Variants in GPHN observed in about 807,000 individuals in gnomAD.
GPHN encodes gephyrin.
Under a neutral mutation model 95.5 loss-of-function variants are expected in GPHN, and 17 were observed. The ratio of observed to expected loss-of-function variants is 0.18; its 90% CI spans 0.12 to 0.27. The LOEUF (loss-of-function observed/expected upper bound fraction) is 0.27. Ranked by LOEUF, GPHN falls within the 10% of genes least tolerant of loss-of-function variation. The pLI is 1.00. For synonymous variants in GPHN, 320 were observed against 322.5 expected (o/e 0.99, Z 0.08); for missense variants, 660 against 978.1 (o/e 0.67, Z 4.34).
chr14:66,530,887 C>G (rs1327286575), intron 1 of GPHN, among the ~76,000 whole-genome samples: 2 of 151,580 alleles, frequency 1.3e-5, no homozygotes, highest in Non-Finnish European at 2.9e-5. Context: ...AGCTGCAGAT[C>G]GAAGCTGTTC....
the GPHN span, chr14:67,321,188 G>A: frequency 6.2e-7 from 1 of 1,614,156 alleles, no homozygotes; most frequent in Non-Finnish European, 8.5e-7. Flanking sequence ...GAATTTGTAT[G>A]GAACTAGCAT....
At chr14:66,629,181 A>AAG (rs1566729379) in intron 1 of GPHN, among the ~76,000 whole-genome samples, 2 of 106,926 alleles carry the variant, frequency 1.9e-5, no homozygotes, top group African/African-American at 1.1e-4. Flanking sequence ...ATATATATAC[A>AAG]TATATAAATA....
At chr14:67,203,190 G>T in the GPHN span, 1 of 1,613,984 alleles carries the variant, frequency 6.2e-7, no homozygotes. Context: ...GATCCCCAAT[G>T]TGATGCTACT....
chr14:67,589,951 A>C, the GPHN span: 2 of 1,354,082 alleles, frequency 1.5e-6, no homozygotes, highest in South Asian at 4.1e-5. Context: ...TATGGCTCTA[A>C]GATGCACTAC....
chr14:67,084,390 C>G (rs72715348), intron 11 of GPHN, among the ~76,000 whole-genome samples: 4,134 of 152,270 alleles, frequency 0.027, 75 homozygotes, highest in Non-Finnish European at 0.036. Flanking sequence ...AAACGCCCCC[C>G]TCTCCTACCT....
chr14:67,642,084 T>C, the GPHN span: 1 of 1,130,096 alleles, frequency 8.8e-7, no homozygotes, highest in East Asian at 2.4e-5. Context: ...GACAAAATGA[T>C]TATGATGTGT....
chr14:67,584,825 CTA>C, the GPHN span, among the ~76,000 whole-genome samples: 1 of 152,064 alleles, frequency 6.6e-6, no homozygotes, highest in African/African-American at 2.4e-5. Context: ...ATTTTTTTCT[CTA>C]TGTATTTAAT....
At chr14:67,288,010 T>C in the GPHN span, among the ~76,000 whole-genome samples, 1 of 152,146 alleles carries the variant, frequency 6.6e-6, no homozygotes, top group Non-Finnish European at 1.5e-5. Context: ...TGGCTGCTTG[T>C]TGATTTCAGT....
chr14:67,580,781 G>C, the GPHN span: 1 of 589,444 alleles, frequency 1.7e-6, no homozygotes, highest in East Asian at 2.8e-5. Context: ...GCCACCTTGG[G>C]TCCAGGAAGC....
the GPHN span, among the ~76,000 whole-genome samples, chr14:67,290,699 T>A: frequency 6.6e-6 from 1 of 151,464 alleles, no homozygotes; most frequent in Admixed American, 6.6e-5. Flanking sequence ...TGCCTAGACA[T>A]TTTTTATATT....
At chr14:66,553,595 T>G (rs76363326) in intron 1 of GPHN, among the ~76,000 whole-genome samples, 1 of 151,946 alleles carries the variant, frequency 6.6e-6, no homozygotes, top group Non-Finnish European at 1.5e-5. Flanking sequence ...TTTTTTTTTT[T>G]GAGCCAGAGT....
the GPHN span, chr14:67,392,564 A>G: frequency 7.8e-7 from 1 of 1,279,426 alleles, no homozygotes; most frequent in African/African-American, 1.5e-5. Context: ...CCCCAAGCCC[A>G]AGGTCTCCTC....
chr14:67,340,541 A>G, the GPHN span: 13 of 1,579,778 alleles, frequency 8.2e-6, no homozygotes, highest in African/African-American at 1.4e-5. Flanking sequence ...AAAAAATAAT[A>G]TGTGTGAGAA....
At chr14:67,636,675 C>T in the GPHN span, among the ~76,000 whole-genome samples, 16 of 152,190 alleles carry the variant, frequency 1.1e-4, no homozygotes, top group Non-Finnish European at 2.2e-4. Context: ...AGAGGTTTAT[C>T]AAGGCCAAAG....
chr14:67,369,555 G>A, the GPHN span, among the ~76,000 whole-genome samples: 1 of 152,116 alleles, frequency 6.6e-6, no homozygotes, highest in East Asian at 1.9e-4. Context: ...CACCAAGATA[G>A]ACAATAAGGT....
the GPHN span, among the ~76,000 whole-genome samples, chr14:67,240,417 G>T: frequency 2.0e-5 from 3 of 152,190 alleles, no homozygotes; most frequent in Admixed American, 2.0e-4. Context: ...AATGGAAATG[G>T]CATATACGAA....
chr14:67,070,710 A>AT (rs2076255930), intron 11 of GPHN, among the ~76,000 whole-genome samples: 2 of 132,730 alleles, frequency 1.5e-5, no homozygotes, highest in African/African-American at 3.4e-5. Context: ...AAAAAAAAAA[A>AT]AAAAAATATA....
intron 13 of GPHN, among the ~76,000 whole-genome samples, chr14:67,104,031 A>G (rs1219289348): frequency 6.6e-6 from 1 of 152,098 alleles, no homozygotes; most frequent in Non-Finnish European, 1.5e-5. Context: ...TTCACTGTGT[A>G]CACTCATTCT....
the GPHN span, among the ~76,000 whole-genome samples, chr14:67,332,062 T>TTCA: frequency 6.6e-6 from 1 of 152,206 alleles, no homozygotes; most frequent in East Asian, 1.9e-4. Flanking sequence ...TCCAATATAG[T>TTCA]ATTGATGTGT....
Sources: gnomAD v4.1 joint callset for allele counts (sites outside exome capture counted in the v4.1 genomes callset) on GRCh38, gnomAD v4.1.1 for gene constraint, MANE v1.5 for transcripts, NCBI Gene and HGNC (gene_info 2026-07-23, HGNC 2026-07-21) for gene names.